The following COL5A3 variants were observed in gnomAD, a reference collection of about 807,000 sequenced individuals.
COL5A3 encodes collagen type V alpha 3 chain.
Under a neutral mutation model 250.0 loss-of-function variants are expected in COL5A3, and 172 were observed. The ratio of observed to expected loss-of-function variants is 0.69; its 90% CI spans 0.61 to 0.78. The LOEUF is 0.78. COL5A3 is among the 30% of genes least tolerant of loss of function. COL5A3 has a pLI of 0.00. For missense variants in COL5A3, 2,340 were observed against 2,334.4 expected, an observed-to-expected ratio of 1.00 and a Z score of -0.05; for synonymous variants, 937 against 900.4, an observed-to-expected ratio of 1.04 and a Z score of -0.73.
rs547600457 is a variant in COL5A3, at chr19:9,963,998, G to A, written c.4783-1111C>T. Among the ~76,000 whole-genome samples the A allele has an allele frequency of 8.2e-4, 125 of 151,724 alleles. 3 individuals carry two copies. In the South Asian group the frequency reaches 0.022, roughly 26 times the overall value. On this transcript the variant is annotated intron_variant, in intron 64 of 66. Coordinates refer to ENST00000264828, the MANE Select transcript of COL5A3 (RefSeq NM_015719.4). Reference sequence around the variant, plus strand: ...AGCCTGGCCAACATGGTGAAACCCCGTCTCTGCTAAAAATACAATACAAAA... The same window carrying A: ...AGCCTGGCCAACATGGTGAAACCCCATCTCTGCTAAAAATACAATACAAAA...
chr19:9,998,069 C>A, intron 9 of COL5A3, 33 bp downstream of exon 9: 1 of 1,613,858 alleles, frequency 6.2e-7, no homozygotes, highest in Non-Finnish European at 8.5e-7. Flanking sequence ...CATCATGAAG[C>A]CTCTCAACCC....
At chr19:9,997,902 C>A in intron 10 of COL5A3, 82 bp downstream of exon 10, 2 of 1,509,092 alleles carry the variant, frequency 1.3e-6, no homozygotes, top group Non-Finnish European at 1.8e-6. Context: ...CAACATTACA[C>A]CCCAACTCCT....
Position 9,980,831 on chromosome 19 carries a change from C to G in COL5A3, c.2534G>C (p.Gly845Ala). The part of the protein sequence containing the change: ...PGSRGERGQP[G>A]ATGQPGPKGD... ...CTTGGGGCCTGGTTGCCCTGTGGCA[C>G]CCGGTTGCCCCCTCTCTCCACGGGA... Residue 845 changes from glycine (G) to alanine (A), a missense_variant, in exon 34 of 67, where the codon GGT (glycine) becomes GCT (alanine). By Grantham distance (60) the Gly-to-Ala change is moderately conservative. Coordinates refer to ENST00000264828, the MANE Select transcript of COL5A3 (RefSeq NM_015719.4). 6.2e-7 allele frequency: 1 copy of G among 1,612,084 alleles called. No homozygotes were observed. Among genetic ancestry groups the G allele is most frequent in the Non-Finnish European group, 8.5e-7 (1 of 1,179,072 alleles).
chr19:9,970,008 G>A, intron 54 of COL5A3, 86 bp from the exon 55 acceptor site: 1 of 953,288 alleles, frequency 1.0e-6, no homozygotes, highest in East Asian at 2.5e-5. Flanking sequence ...GGGGGGTTAT[G>A]GATGAGTGGG....
At chr19:9,976,707 G>C in intron 44 of COL5A3, 96 bp from the exon 45 acceptor site, 1 of 893,230 alleles carries the variant, frequency 1.1e-6, no homozygotes, top group Non-Finnish European at 1.7e-6. Flanking sequence ...CCCCCTTTAT[G>C]AGAACAACTT....
chr19:9,986,403 C>T lies in COL5A3; in HGVS notation c.2264G>A (p.Gly755Asp). 1 of 1,612,494 alleles carries T rather than the reference C, an allele frequency of 6.2e-7. No homozygotes were observed. Among genetic ancestry groups the T allele is most frequent in the Non-Finnish European group, 8.5e-7 (1 of 1,179,896 alleles). The stretch of plus-strand genomic sequence containing the variant: ...CTCAGGACCATCCTCTCCCCGGGGA[C>T]CTGGAGCTCCGGGTTTCCCCTGGAA... Reference protein sequence around the residue: ...KGDQGKPGAPGPRGEDGPEGP... With the variant: ...KGDQGKPGAPDPRGEDGPEGP... Residue 755 changes from glycine (G) to aspartate (D), a missense_variant, in exon 30 of 67, where the codon GGT becomes GAT. Coordinates refer to ENST00000264828, the MANE Select transcript of COL5A3 (RefSeq NM_015719.4).
rs568664862 is a variant in COL5A3, at chr19:9,984,251, G to A, written c.2406+1591C>T. Among the ~76,000 whole-genome samples, 33 of 152,150 alleles carry A rather than the reference G, an allele frequency of 2.2e-4. 1 individual carries two copies. The East Asian group carries it at 5.2e-3, about 24-fold the overall frequency. ...TTGGCCAGGCTGGTGGTGAACTCTC[G>A]ACCTCAGGTGATCCACTCGCCTCGG... On this transcript the variant is annotated intron_variant, in intron 31 of 66. Transcript: ENST00000264828.
At position 9,959,973 on chromosome 19, in the gene COL5A3, C is replaced by T. The variant is rs2086648107; in HGVS notation, c.*438G>A. The T allele has an allele frequency of 1.1e-5, 2 of 177,038 alleles. No homozygotes were observed. The highest frequency in any genetic ancestry group is 2.4e-5 in the African/African-American group (1 of 42,294). The allele number at this position is 177,038 out of a possible 1,614,324, so 11.0% of individuals were successfully genotyped here. A position where few individuals can be genotyped will look rare whatever the true frequency, so the allele number is the denominator to read the frequency against. On this transcript the variant is annotated 3_prime_UTR_variant, in exon 67 of 67. Transcript: ENST00000264828. ...ATCAAAGGGGGTGGGGGTAGGGGTCCCAGCCTGGGATCAGGAGACATCCAG... is the reference window on the plus strand; with the variant it reads ...ATCAAAGGGGGTGGGGGTAGGGGTCTCAGCCTGGGATCAGGAGACATCCAG...
At chr19:9,963,553 G>GTTTT (rs34487347) in intron 64 of COL5A3, among the ~76,000 whole-genome samples, 13 of 65,936 alleles carry the variant, frequency 2.0e-4, no homozygotes, top group African/African-American at 7.9e-4. Context: ...CACCATGCCT[G>GTTTT]TTTTTTTTGG....
rs569832201 is a variant in COL5A3, at chr19:9,970,207, G to T, written c.3937-285C>A. ...TGAGTGGGGTCTGTGGGTGAGTGGG[G>T]GCTGTGGGTGAGTGGGGGCTGTGGG... is the stretch of plus-strand genomic sequence containing the variant. On this transcript the variant is annotated intron_variant, in intron 54 of 66. Coordinates refer to ENST00000264828, the MANE Select transcript of COL5A3 (RefSeq NM_015719.4). Among the ~76,000 whole-genome samples the T allele has an allele frequency of 1.9e-4, 13 of 68,292 alleles. 2 individuals are homozygous for T. The highest frequency in any genetic ancestry group is 6.5e-4 in the South Asian group (1 of 1,548). The allele number at this position is 68,292 out of a possible 152,430, so 44.8% of individuals were successfully genotyped here.
At chr19:10,008,682 G>A (rs1213338725) in intron 1 of COL5A3, among the ~76,000 whole-genome samples, 1 of 152,208 alleles carries the variant, frequency 6.6e-6, no homozygotes, top group Non-Finnish European at 1.5e-5. Flanking sequence ...CTGGGCATAT[G>A]TCGTTTCTCC....
chr19:9,962,516 G>T (rs898620900), intron 65 of COL5A3, among the ~76,000 whole-genome samples: 1 of 152,100 alleles, frequency 6.6e-6, no homozygotes, highest in African/African-American at 2.4e-5. Flanking sequence ...CTAACACAGT[G>T]CATTCTTTAG....
chr19:9,981,691 G>C (rs1178354552), intron 32 of COL5A3, among the ~76,000 whole-genome samples: 1 of 152,198 alleles, frequency 6.6e-6, no homozygotes, highest in African/African-American at 2.4e-5. Flanking sequence ...ACACACACAT[G>C]TGTATACACA....
At chr19:10,002,001 C>G (rs988591422) in intron 6 of COL5A3, 120 bp from the exon 7 acceptor site, 4 of 682,340 alleles carry the variant, frequency 5.9e-6, no homozygotes, top group African/African-American at 5.4e-5. Flanking sequence ...GGAGGCTCCC[C>G]AAAGAGCACC....
chr19:9,995,473 C>T (rs2145126997), intron 16 of COL5A3, 91 bp downstream of exon 16: 1 of 1,171,510 alleles, frequency 8.5e-7, no homozygotes, highest in Non-Finnish European at 1.2e-6. Context: ...CCACTAACGA[C>T]ACCAGCAGAC....
chr19:9,997,570 A>G (rs2145130716), intron 10 of COL5A3, 137 bp from the exon 11 acceptor site: 1 of 614,504 alleles, frequency 1.6e-6, no homozygotes, highest in Non-Finnish European at 2.9e-6. Context: ...CTAATGCAAT[A>G]CTGACCCCCA....
Position 9,966,691 on chromosome 19 carries a change from G to T in COL5A3, c.4514C>A (p.Pro1505Gln). 1.3e-6 allele frequency: 2 copies of T among 1,538,544 alleles called. No individual in the cohort carries two copies. The highest frequency in any genetic ancestry group is 1.7e-6 in the Non-Finnish European group (2 of 1,147,670). Residue 1505 changes from proline (P) to glutamine (Q), a missense_variant, in exon 63 of 67, where the codon CCG becomes CAG. This residue lies in a region of COL5A3 where 1,179 missense variants were observed against 1,162.6 expected (regional missense o/e 1.01). Transcript: ENST00000264828. ...LRRRRRFVPV[P>Q]LPVVEGGLEE... The stretch of plus-strand genomic sequence containing the variant: ...CAGGCCGCCCTCCACGACTGGAAGC[G>T]GGACTGGGACGAAGCGCCGGCGCCT...
At position 9,970,625 on chromosome 19, in the gene COL5A3, C is replaced by A. The variant is rs1038907413; in HGVS notation, c.3933G>T (p.Lys1311Asn). The A allele has an allele frequency of 6.9e-7, 1 of 1,449,500 alleles. No individual in the cohort carries two copies. The highest frequency in any genetic ancestry group is 9.1e-7 in the Non-Finnish European group (1 of 1,102,374). 89.8% of individuals were successfully genotyped at this position (1,449,500 alleles called of 1,614,324 possible). A position where few individuals can be genotyped will look rare whatever the true frequency, so the allele number is the denominator to read the frequency against. ...GEPGAPGPPGKRGPSGHMGRE... is the reference protein window; with the variant it reads ...GEPGAPGPPGNRGPSGHMGRE... The stretch of plus-strand genomic sequence containing the variant: ...CAGGAGGTGGCTTATCACTTACCCT[C>A]TTGCCGGGGGGCCCGGGGGCGCCGG... Residue 1311 changes from lysine to asparagine, a missense_variant, in exon 54 of 67, where the codon AAG (lysine) becomes AAT (asparagine). By Grantham distance (94) the Lys-to-Asn change is moderately conservative (BLOSUM62 0). Around this residue, in one of 3 missense-constraint regions of COL5A3, gnomAD observed 1,179 missense variants for 1,162.6 expected, o/e 1.01. Transcript: ENST00000264828.
At position 9,986,338 on chromosome 19, in the gene COL5A3, G is replaced by C. The variant is rs754988644; in HGVS notation, c.2329C>G (p.Pro777Ala). The change falls in exon 30 of 67, where the codon CCC becomes GCC. Residue 777 changes from proline to alanine, a missense_variant. Pro to Ala is a conservative substitution (Grantham distance 27). This residue lies in a region of COL5A3 where 1,152 missense variants were observed against 1,146.3 expected (regional missense o/e 1.00). Transcript: ENST00000264828. ...ACCTTCTCCCCAGCTGAGCCTGGGG[G>C]CCCCTCCTCGCCAGCCTGCCCCGCC... ...GQAGQAGEEG[P>A]PGSAGEKGKL... 6.3e-7 allele frequency: 1 copy of C among 1,582,534 alleles called. No homozygotes were observed. The highest frequency in any genetic ancestry group is 8.5e-7 in the Non-Finnish European group (1 of 1,171,336).
Sources: gnomAD v4.1 joint callset for allele counts (sites outside exome capture counted in the v4.1 genomes callset) on GRCh38, gnomAD v4.1.1 for gene constraint, gnomAD v4.1.1 regional missense constraint, MANE v1.5 for transcripts, NCBI Gene and HGNC (gene_info 2026-07-23, HGNC 2026-07-21) for gene names.